The following CAMK4 variants were observed in gnomAD, a reference collection of about 807,000 sequenced individuals.
CAMK4 encodes the protein calcium/calmodulin dependent protein kinase IV, also known as calcium/calmodulin-dependent protein kinase type IV.
CAMK4 carries 22 observed loss-of-function variants against 44.9 expected under a neutral mutation model. That is an observed-to-expected ratio of 0.49 (90% CI 0.35 to 0.70). The LOEUF (loss-of-function observed/expected upper bound fraction) is 0.70. Among genes scored for constraint, CAMK4 ranks in the 30% least tolerant of loss-of-function variants. The pLI, the probability that CAMK4 is intolerant of heterozygous loss-of-function variation, is 0.01. For missense variants in CAMK4, 498 were observed against 586.8 expected, an observed-to-expected ratio of 0.85 and a Z score of 1.56; for synonymous variants, 218 against 215.4, an observed-to-expected ratio of 1.01 and a Z score of -0.11.
intron 2 of CAMK4, among the ~76,000 whole-genome samples, chr5:111,360,418 C>A (rs573728174): frequency 1.3e-5 from 2 of 152,150 alleles, no homozygotes; most frequent in South Asian, 4.1e-4. Flanking sequence ...TGACTAGGGA[C>A]AGATCATGTG....
chr5:111,434,584 G>T (rs1416579145), intron 5 of CAMK4, among the ~76,000 whole-genome samples: 1 of 152,168 alleles, frequency 6.6e-6, no homozygotes, highest in Non-Finnish European at 1.5e-5. Flanking sequence ...TCCTAACCAG[G>T]CCTGTTGAGC....
At position 111,473,406 on chromosome 5, in the gene CAMK4, A is replaced by G. The variant is rs745701813; in HGVS notation, c.701+20A>G. The G allele has an allele frequency of 6.8e-7, 1 of 1,471,050 alleles. No homozygotes were observed. The highest frequency in any genetic ancestry group is 1.1e-5 in the South Asian group (1 of 87,106). The allele number at this position is 1,471,050 out of a possible 1,614,324, so 91.1% of individuals were successfully genotyped here. ...CATCTTGTAAGTGAAGAAAAGCAAT[A>G]TTTATGTAAACTATTTACCTTGCTG... On this transcript the variant is annotated intron_variant, in intron 8 of 10. Coordinates refer to ENST00000282356, the MANE Select transcript of CAMK4 (RefSeq NM_001744.6).
chr5:111,361,262 T>A (rs1050265270), intron 2 of CAMK4, among the ~76,000 whole-genome samples: 1 of 152,058 alleles, frequency 6.6e-6, no homozygotes, highest in African/African-American at 2.4e-5. Context: ...ATAAGCTTTT[T>A]TGGCTTTGTA....
chr5:111,482,581 C>G lies in CAMK4; in HGVS notation c.829-204C>G, dbSNP rs1755469934. The G allele has an allele frequency of 2.5e-6, 1 of 396,228 alleles. No individual in the cohort carries two copies. The highest frequency in any genetic ancestry group is 4.4e-6 in the Non-Finnish European group (1 of 224,756). The allele number at this position is 396,228 out of a possible 1,614,324, so 24.5% of individuals were successfully genotyped here. On this transcript the variant is annotated intron_variant, in intron 9 of 10. Coordinates refer to ENST00000282356, the MANE Select transcript of CAMK4 (RefSeq NM_001744.6). The surrounding 1 kb of genome is among the most constrained non-coding windows in gnomAD (Gnocchi z 4.9). ...TTTGGGGGTCTCAGGTGGTACATGG[C>G]CCTGTCTTCTCATACTCCCTCAGCT...
intron 2 of CAMK4, among the ~76,000 whole-genome samples, chr5:111,367,060 C>T (rs1475680174): frequency 6.6e-6 from 1 of 150,966 alleles, no homozygotes; most frequent in Non-Finnish European, 1.5e-5. Context: ...AATAATACAC[C>T]ATAAATTAGA....
intron 1 of CAMK4, among the ~76,000 whole-genome samples, chr5:111,315,877 A>G (rs1308335395): frequency 1.3e-5 from 2 of 152,100 alleles, no homozygotes; most frequent in African/African-American, 4.8e-5. Flanking sequence ...CCATAGCCAC[A>G]ATACTTTGTT....
intron 1 of CAMK4, among the ~76,000 whole-genome samples, chr5:111,278,964 G>A (rs1750885842): frequency 6.6e-6 from 1 of 152,148 alleles, no homozygotes; most frequent in Non-Finnish European, 1.5e-5. Flanking sequence ...TGGCGGTAGG[G>A]TACCGCAATA....
chr5:111,261,826 C>G (rs572079704), intron 1 of CAMK4, among the ~76,000 whole-genome samples: 1 of 152,220 alleles, frequency 6.6e-6, no homozygotes, highest in East Asian at 1.9e-4. Context: ...TTTAGGCTCT[C>G]TGGGGCTGGG....
intron 2 of CAMK4, among the ~76,000 whole-genome samples, chr5:111,353,109 C>G (rs150306368): frequency 1.3e-3 from 200 of 152,094 alleles, no homozygotes; most frequent in African/African-American, 4.3e-3. Context: ...TATAGAAAGC[C>G]AGGTACCTAA....
At chr5:111,316,438 C>A (rs1343463388) in intron 1 of CAMK4, among the ~76,000 whole-genome samples, 1 of 152,100 alleles carries the variant, frequency 6.6e-6, no homozygotes, top group African/African-American at 2.4e-5. Flanking sequence ...TCTTTTCCTT[C>A]TTTTCTTCTT....
intron 7 of CAMK4, among the ~76,000 whole-genome samples, chr5:111,459,693 T>G (rs1754567536): frequency 4.3e-5 from 1 of 23,204 alleles, no homozygotes; most frequent in South Asian, 1.8e-3. Flanking sequence ...AGTCTTTTTT[T>G]TTTTTTTTTT....
At chr5:111,281,724 G>A (rs928943586) in intron 1 of CAMK4, among the ~76,000 whole-genome samples, 2 of 152,140 alleles carry the variant, frequency 1.3e-5, no homozygotes, top group African/African-American at 2.4e-5. Flanking sequence ...ATGAAAGAAT[G>A]GGCTGCGTCT....
At chr5:111,407,080 G>A (rs569108197) in intron 5 of CAMK4, among the ~76,000 whole-genome samples, 16 of 152,276 alleles carry the variant, frequency 1.1e-4, no homozygotes, top group Admixed American at 2.0e-4. Flanking sequence ...AAGGCCGGGT[G>A]CGATGGCTCA....
chr5:111,327,856 G>T (rs1469182509), intron 1 of CAMK4, among the ~76,000 whole-genome samples: 1 of 147,448 alleles, frequency 6.8e-6, no homozygotes, highest in African/African-American at 2.6e-5. Flanking sequence ...TGATGGGGTT[G>T]TTTGTTTTTT....
chr5:111,480,157 A>T (rs1455503190), intron 9 of CAMK4, among the ~76,000 whole-genome samples: 2 of 151,538 alleles, frequency 1.3e-5, no homozygotes, highest in African/African-American at 2.4e-5. Flanking sequence ...CTAGTTTCTC[A>T]TCAGCATAGC....
chr5:111,417,421 G>A (rs960478909), intron 5 of CAMK4, among the ~76,000 whole-genome samples: 4 of 152,038 alleles, frequency 2.6e-5, no homozygotes, highest in East Asian at 3.9e-4. Flanking sequence ...TCACCATGTT[G>A]TCCAGGCTGG....
intron 1 of CAMK4, among the ~76,000 whole-genome samples, chr5:111,338,378 G>A (rs909935332): frequency 1.3e-5 from 2 of 151,004 alleles, no homozygotes; most frequent in Non-Finnish European, 1.5e-5. Context: ...TCTCCCTAGT[G>A]TCTCCACTCC....
At chr5:111,406,195 T>TCTCTCA (rs1752420879) in intron 5 of CAMK4, among the ~76,000 whole-genome samples, 1 of 1,894 alleles carries the variant, frequency 5.3e-4, no homozygotes, top group Non-Finnish European at 1.1e-3. Flanking sequence ...TAATTTATTT[T>TCTCTCA]CTCTCTCTCT....
chr5:111,235,733 G>A (rs1408693607), intron 1 of CAMK4, among the ~76,000 whole-genome samples: 2 of 152,230 alleles, frequency 1.3e-5, no homozygotes, highest in Non-Finnish European at 2.9e-5. Context: ...TGAGCTAAGG[G>A]CTGTTGGGAT....
Sources: allele counts gnomAD v4.1 joint callset (sites outside exome capture counted in the v4.1 genomes callset), GRCh38; gene constraint gnomAD v4.1.1; non-coding constraint Gnocchi (gnomAD v3.1); transcripts MANE v1.5; gene names NCBI Gene and HGNC (gene_info 2026-07-23, HGNC 2026-07-21).